Variants in RBFOX1 observed in about 807,000 individuals in gnomAD.
The protein encoded by RBFOX1 is RNA binding fox-1 homolog 1.
Under a neutral mutation model 57.7 loss-of-function variants are expected in RBFOX1, and 8 were observed. The observed-to-expected ratio is 0.14, with a 90% CI of 0.08 to 0.25. The LOEUF is 0.25. Ranked by LOEUF, RBFOX1 falls within the 10% of genes least tolerant of loss-of-function variation. The pLI is 1.00. For synonymous variants in RBFOX1, 326 were observed against 222.4 expected (o/e 1.47, Z -4.15); for missense variants, 611 against 548.5 (o/e 1.11, Z -1.14).
intron 13 of RBFOX1, among the ~76,000 whole-genome samples, chr16:7,669,417 A>C (rs1433980854): frequency 6.6e-6 from 1 of 152,234 alleles, no homozygotes; most frequent in Non-Finnish European, 1.5e-5. Context: ...AACGGATAGA[A>C]ACTGGAATAA....
chr16:5,811,156 T>TTG (rs1173270205), intron 3 of RBFOX1, among the ~76,000 whole-genome samples: 1 of 145,842 alleles, frequency 6.9e-6, no homozygotes, highest in Non-Finnish European at 1.5e-5. Context: ...TTTTTTTTTT[T>TTG]TTTTTTTTTT....
At chr16:6,702,709 C>T (rs1039557768) in intron 3 of RBFOX1, among the ~76,000 whole-genome samples, 4 of 152,196 alleles carry the variant, frequency 2.6e-5, no homozygotes, top group Non-Finnish European at 4.4e-5. Flanking sequence ...ATACTGTTCT[C>T]TCTCTGGTTT....
At chr16:7,433,824 CTTAT>C (rs150342883) in intron 4 of RBFOX1, among the ~76,000 whole-genome samples, 3,877 of 152,262 alleles carry the variant, frequency 0.025, 164 homozygotes, top group African/African-American at 0.087. Flanking sequence ...TCTAAAAATA[CTTAT>C]TTAACACCTG....
At chr16:6,018,967 C>A, upstream of RBFOX1, 1 of 515,000 alleles carries the variant, frequency 1.9e-6, no homozygotes, top group Non-Finnish European at 2.5e-6. Context: ...GCACGCGTGA[C>A]CGCGGCGGCG....
chr16:5,600,844 C>G (rs995131159), downstream of RBFOX1, among the ~76,000 whole-genome samples: 1 of 152,096 alleles, frequency 6.6e-6, no homozygotes, highest in African/African-American at 2.4e-5. Flanking sequence ...TTCAGTTGAC[C>G]AAATGTTTGA....
chr16:7,229,762 G>A (rs111208329), intron 4 of RBFOX1, among the ~76,000 whole-genome samples: 7,159 of 55,558 alleles, frequency 0.13, 1,111 homozygotes, highest in East Asian at 0.37. Flanking sequence ...GAGAGAGAGG[G>A]AGGAAGGGAG....
At chr16:5,905,243 T>C (rs987666876) in intron 4 of RBFOX1, among the ~76,000 whole-genome samples, 70 of 151,614 alleles carry the variant, frequency 4.6e-4, no homozygotes, top group Non-Finnish European at 1.0e-4. Flanking sequence ...AATTTTCGTA[T>C]TATTAGTAGA....
At position 7,509,405 on chromosome 16, in the gene RBFOX1, TG is replaced by T. The variant is rs1333820963; in HGVS notation, c.28-8741del. 6.0e-5 allele frequency among the ~76,000 whole-genome samples: 9 copies of T among 149,238 alleles called. No individual in the cohort carries two copies. The East Asian group carries it at 9.7e-4, about 16-fold the overall frequency. On this transcript the variant is annotated intron_variant, in intron 4 of 15. Transcript: ENST00000550418. ...GAGCCAAGCCCTGTGTGTGTGTGTG[TG>T]TGTGTGTGTGTGTGTGTGTGTGTGT...
Position 5,557,421 on chromosome 16 carries a change from T to C in RBFOX1, c.259-41481T>C, listed in dbSNP as rs982287624. 5.9e-5 allele frequency among the ~76,000 whole-genome samples: 9 copies of C among 151,794 alleles called. No individual in the cohort carries two copies. The East Asian group carries it at 1.5e-3, about 26-fold the overall frequency. On this transcript the variant is annotated intron_variant, in intron 2 of 2. Coordinates refer to the RBFOX1 transcript ENST00000585867. ...GCATTGGGTCCCCATATGAAGCTTA[T>C]AGAGAGATAATAAACAGGGTAACAA...
At chr16:5,636,452 C>T (rs1292029629) in intron 3 of RBFOX1, among the ~76,000 whole-genome samples, 3 of 152,196 alleles carry the variant, frequency 2.0e-5, no homozygotes, top group East Asian at 1.9e-4. Context: ...CTGGCCAAAG[C>T]ACTGGATGAG....
At chr16:7,349,880 C>T (rs1459279358) in intron 4 of RBFOX1, among the ~76,000 whole-genome samples, 1 of 152,132 alleles carries the variant, frequency 6.6e-6, no homozygotes, top group Admixed American at 6.5e-5. Context: ...GGCACGGTGG[C>T]TCATGCTTGT....
At chr16:5,603,633 C>A (rs569477179), downstream of RBFOX1, among the ~76,000 whole-genome samples, 6 of 152,326 alleles carry the variant, frequency 3.9e-5, no homozygotes, top group East Asian at 7.7e-4. Flanking sequence ...TACAGCCACA[C>A]TTTCCTTGAT....
At chr16:6,856,110 T>A (rs6500858) in intron 3 of RBFOX1, among the ~76,000 whole-genome samples, 1 of 151,514 alleles carries the variant, frequency 6.6e-6, no homozygotes, top group African/African-American at 2.4e-5. Context: ...CCCTTCCCTT[T>A]CTTCCCTTTC....
chr16:6,901,339 C>T (rs1025957545), intron 3 of RBFOX1, among the ~76,000 whole-genome samples: 2 of 152,142 alleles, frequency 1.3e-5, no homozygotes, highest in African/African-American at 4.8e-5. Flanking sequence ...GAAGTTTCAA[C>T]CTGGAAATGT....
chr16:5,847,143 A>C (rs1256854630), intron 3 of RBFOX1, among the ~76,000 whole-genome samples: 1 of 152,194 alleles, frequency 6.6e-6, no homozygotes, highest in Non-Finnish European at 1.5e-5. Flanking sequence ...GAAGAATGAA[A>C]TTGAATTTGG....
At chr16:5,305,549 T>C (rs2063912388) in intron 1 of RBFOX1, among the ~76,000 whole-genome samples, 1 of 152,196 alleles carries the variant, frequency 6.6e-6, no homozygotes, top group Non-Finnish European at 1.5e-5. Flanking sequence ...AAACCTGCTG[T>C]TAGGATCTGT....
chr16:7,037,081 G>A (rs2044698911), intron 3 of RBFOX1, among the ~76,000 whole-genome samples: 3 of 152,134 alleles, frequency 2.0e-5, no homozygotes, highest in Admixed American at 2.0e-4. Context: ...CTTGGTTTTG[G>A]TGGGTTTTGG....
At chr16:5,794,556 C>T (rs967879138) in intron 3 of RBFOX1, among the ~76,000 whole-genome samples, 2 of 152,026 alleles carry the variant, frequency 1.3e-5, no homozygotes, top group Non-Finnish European at 2.9e-5. Flanking sequence ...CAGATTTGCT[C>T]ATTGGAGAGG....
At chr16:6,185,237 A>G (rs535758485) in intron 1 of RBFOX1, among the ~76,000 whole-genome samples, 6 of 152,042 alleles carry the variant, frequency 3.9e-5, no homozygotes, top group African/African-American at 1.4e-4. Context: ...TCCATCTGTC[A>G]CTCTCTTTCT....
Sources: gnomAD v4.1 joint callset for allele counts (sites outside exome capture counted in the v4.1 genomes callset) on GRCh38, gnomAD v4.1.1 for gene constraint, MANE v1.5 for transcripts, NCBI Gene and HGNC (gene_info 2026-07-23, HGNC 2026-07-21) for gene names.